Variants in XRCC4 observed in about 807,000 individuals in gnomAD.
The protein encoded by XRCC4 is DNA repair protein XRCC4.
In XRCC4, 28 loss-of-function variants were observed where a neutral mutation model predicts 39.1. That is an observed-to-expected ratio of 0.72 (90% CI 0.53 to 0.98). XRCC4 has a LOEUF of 0.98. Ranked by LOEUF, XRCC4 falls within the 50% of genes least tolerant of loss-of-function variation. The probability of loss-of-function intolerance (pLI) is 0.00; values close to 1 mark genes in which losing one functional copy is unlikely to be tolerated. For synonymous variants in XRCC4, 123 were observed against 126.4 expected, an observed-to-expected ratio of 0.97 and a Z score of 0.18; for missense variants, 350 against 376.4, an observed-to-expected ratio of 0.93 and a Z score of 0.58.
chr5:83,200,231 ATTAAAAG>A (rs1398352590), intron 4 of XRCC4, among the ~76,000 whole-genome samples: 7 of 152,202 alleles, frequency 4.6e-5, no homozygotes, highest in South Asian at 2.1e-4. Flanking sequence ...GTCTTGAAAA[ATTAAAAG>A]TTAAGAGTAA....
At chr5:83,188,662 G>T (rs1750561509) in intron 3 of XRCC4, among the ~76,000 whole-genome samples, 1 of 152,160 alleles carries the variant, frequency 6.6e-6, no homozygotes, top group Admixed American at 6.5e-5. Context: ...CATGGCAAGA[G>T]TGGGGGCAAG....
downstream of XRCC4, among the ~76,000 whole-genome samples, chr5:83,356,535 T>C (rs944264625): frequency 2.6e-5 from 4 of 152,184 alleles, no homozygotes; most frequent in Admixed American, 6.6e-5. Flanking sequence ...GTCAGATTGA[T>C]TGAGTTGGTT....
chr5:83,291,970 TG>T (rs1754937061), intron 7 of XRCC4, among the ~76,000 whole-genome samples: 1 of 151,452 alleles, frequency 6.6e-6, no homozygotes, highest in Admixed American at 6.6e-5. Context: ...TGTGTGTGTG[TG>T]TGTGTGTGTG....
At chr5:83,280,330 T>C (rs184782840) in intron 7 of XRCC4, 6 of 433,542 alleles carry the variant, frequency 1.4e-5, no homozygotes, top group East Asian at 4.4e-5. Context: ...CTTGTAATCC[T>C]CTATTCCTGA....
chr5:83,112,173 T>G (rs559984967), intron 3 of XRCC4, among the ~76,000 whole-genome samples: 2 of 152,194 alleles, frequency 1.3e-5, no homozygotes, highest in African/African-American at 4.8e-5. Context: ...TGCCAATTTA[T>G]ATAAGTTTCA....
intron 3 of XRCC4, among the ~76,000 whole-genome samples, chr5:83,148,546 A>C (rs184759833): frequency 1.7e-4 from 26 of 152,288 alleles, no homozygotes; most frequent in African/African-American, 6.3e-4. Context: ...ACTAGAATAC[A>C]TGATGTAATT....
chr5:83,204,986 A>C, intron 6 of XRCC4, 65 bp downstream of exon 6: 2 of 1,095,518 alleles, frequency 1.8e-6, no homozygotes, highest in Non-Finnish European at 2.7e-6. Flanking sequence ...TTCTAATGAC[A>C]AGAAACCATA....
intron 7 of XRCC4, among the ~76,000 whole-genome samples, chr5:83,333,082 A>G (rs1354572750): frequency 6.6e-6 from 1 of 152,182 alleles, no homozygotes; most frequent in Non-Finnish European, 1.5e-5. Flanking sequence ...GCCATTTTGA[A>G]TAGACTTTCA....
rs141047233 is a variant in XRCC4 at position 83,177,685 on chromosome 5, A to G, written c.316-18085A>G. Among the ~76,000 whole-genome samples the G allele has an allele frequency of 4.6e-3, 706 of 152,278 alleles. 4 individuals are homozygous for G. The highest frequency in any genetic ancestry group is 0.016 in the African/African-American group (650 of 41,560). ...TAGATTTGTTCAGTGGTGTACAGAA[A>G]CAAGAAAAGAGAACGTGAAGATTCA... is the stretch of plus-strand genomic sequence containing the variant. On this transcript the variant is annotated intron_variant, in intron 3 of 7. Transcript: ENST00000396027.
intron 7 of XRCC4, among the ~76,000 whole-genome samples, chr5:83,311,750 G>A (rs1413053308): frequency 6.6e-6 from 1 of 151,880 alleles, no homozygotes; most frequent in African/African-American, 2.4e-5. Context: ...TTAAAATAAT[G>A]CATACCACTA....
chr5:83,281,349 A>C (rs1266102752), intron 7 of XRCC4, among the ~76,000 whole-genome samples: 1 of 152,164 alleles, frequency 6.6e-6, no homozygotes, highest in African/African-American at 2.4e-5. Context: ...TACAGTTCTC[A>C]AGATAAAGTT....
intron 3 of XRCC4, among the ~76,000 whole-genome samples, chr5:83,151,153 G>A (rs1340599293): frequency 1.3e-5 from 2 of 152,028 alleles, no homozygotes; most frequent in East Asian, 3.8e-4. Context: ...ATAATTAGTT[G>A]TATTTTGGTG....
At chr5:83,147,355 T>G (rs895709892) in intron 3 of XRCC4, among the ~76,000 whole-genome samples, 1 of 152,180 alleles carries the variant, frequency 6.6e-6, no homozygotes, top group Admixed American at 6.5e-5. Context: ...ATCTACAAAA[T>G]AGTATACTAT....
rs1752095542 is a variant in XRCC4, at chr5:83,221,815, ATTTAGT to A, written c.745+16899_745+16904del. 2.6e-5 allele frequency among the ~76,000 whole-genome samples: 4 copies of A among 151,718 alleles called. No homozygotes were observed. The South Asian group carries it at 8.3e-4, about 31-fold the overall frequency. Reference sequence around the variant, plus strand: ...GTCCATTTAGACATTAAAATAATAGATTTAGTTTTAAATGTAGCCTTATATACTATT... The same window carrying A: ...GTCCATTTAGACATTAAAATAATAGATTTAAATGTAGCCTTATATACTATT... On this transcript the variant is annotated intron_variant, in intron 6 of 7. Coordinates refer to ENST00000396027, the MANE Select transcript of XRCC4 (RefSeq NM_003401.5).
At chr5:83,209,542 A>G (rs1195340750) in intron 6 of XRCC4, among the ~76,000 whole-genome samples, 2 of 152,132 alleles carry the variant, frequency 1.3e-5, no homozygotes, top group African/African-American at 4.8e-5. Context: ...ACATAATTCA[A>G]AAAGCATGCA....
At chr5:83,186,693 G>A (rs1201546706) in intron 3 of XRCC4, among the ~76,000 whole-genome samples, 1 of 152,162 alleles carries the variant, frequency 6.6e-6, no homozygotes, top group Admixed American at 6.5e-5. Context: ...GATTCAGTGT[G>A]TTCATTTTCA....
chr5:83,108,265 C>A (rs956968679), intron 2 of XRCC4, among the ~76,000 whole-genome samples: 1 of 151,982 alleles, frequency 6.6e-6, no homozygotes, highest in Non-Finnish European at 1.5e-5. Flanking sequence ...GCACAGAATT[C>A]AAAACTGGTG....
At chr5:83,264,404 A>G (rs1312523660) in intron 7 of XRCC4, among the ~76,000 whole-genome samples, 2 of 152,132 alleles carry the variant, frequency 1.3e-5, no homozygotes, top group African/African-American at 4.8e-5. Flanking sequence ...GCTTTCTGAT[A>G]TCTTCTTCCT....
chr5:83,285,844 T>A (rs372806438), intron 7 of XRCC4, among the ~76,000 whole-genome samples: 1 of 152,120 alleles, frequency 6.6e-6, no homozygotes, highest in African/African-American at 2.4e-5. Context: ...GGCGGAGGCA[T>A]GGTTCATGAT....
Sources: gnomAD v4.1 joint callset for allele counts (sites outside exome capture counted in the v4.1 genomes callset) on GRCh38, gnomAD v4.1.1 for gene constraint, MANE v1.5 for transcripts, NCBI Gene and HGNC (gene_info 2026-07-23, HGNC 2026-07-21) for gene names.